The following RABL6 variants were observed in gnomAD, a reference collection of about 807,000 sequenced individuals.
RABL6 encodes the protein RAB, member RAS oncogene family like 6.
Under a neutral mutation model 72.9 loss-of-function variants are expected in RABL6, and 28 were observed. The observed-to-expected ratio is 0.38, with a 90% CI of 0.28 to 0.53. RABL6 has a LOEUF of 0.53. Ranked by LOEUF, RABL6 falls within the 20% of genes least tolerant of loss-of-function variation. RABL6 has a pLI of 0.80. For missense variants in RABL6, 1,029 were observed against 1,008.4 expected, an observed-to-expected ratio of 1.02 and a Z score of -0.28; for synonymous variants, 477 against 421.2, an observed-to-expected ratio of 1.13 and a Z score of -1.62.
chr9:136,819,629 C>T (rs566250796), intron 1 of RABL6, among the ~76,000 whole-genome samples: 1 of 152,280 alleles, frequency 6.6e-6, no homozygotes, highest in South Asian at 2.1e-4. Flanking sequence ...GCTGCTCTAG[C>T]TATAGTCCTA....
At chr9:136,837,138 G>C (rs770566960) in intron 8 of RABL6, 2 of 710,902 alleles carry the variant, frequency 2.8e-6, no homozygotes, top group South Asian at 3.0e-5. Flanking sequence ...GCCTCCTACA[G>C]TGCTGGGATT....
chr9:136,814,821 C>T (rs1194999268), intron 1 of RABL6: 1 of 154,780 alleles, frequency 6.5e-6, no homozygotes, highest in Non-Finnish European at 1.4e-5. Flanking sequence ...GCTTCAGAAG[C>T]TGCTGTTTGG....
chr9:136,838,673 T>C (rs1226786485), intron 10 of RABL6, among the ~76,000 whole-genome samples: 1 of 152,148 alleles, frequency 6.6e-6, no homozygotes, highest in Non-Finnish European at 1.5e-5. Context: ...CGGCTCCACA[T>C]CCTTCACCCA....
intron 1 of RABL6, chr9:136,813,384 G>A: frequency 1.0e-6 from 1 of 958,264 alleles, no homozygotes; most frequent in South Asian, 1.4e-5. Context: ...TGCACTGTAG[G>A]AGAGGTTGCT....
chr9:136,838,419 C>T (rs1463215781), intron 10 of RABL6, among the ~76,000 whole-genome samples: 3 of 152,156 alleles, frequency 2.0e-5, no homozygotes, highest in African/African-American at 4.8e-5. Flanking sequence ...GAGCTAGAGC[C>T]GCCTCCCCAG....
Position 136,839,357 on chromosome 9 carries a change from G to A in RABL6, c.1629G>A (p.Glu543=), listed in dbSNP as rs1204587818. The A allele has an allele frequency of 9.9e-6, 16 of 1,612,612 alleles. No homozygotes were observed. The highest frequency in any genetic ancestry group is 1.7e-5 in the Admixed American group (1 of 59,970). The change falls in exon 12 of 15, where the codon GAG becomes GAA. Residue 543 remains glutamate (E), a synonymous_variant. Transcript: ENST00000311502. ...GCACCAGGCCCCCTGCTGAGATGGA[G>A]CCGGGGAAGGGTGAGCAGGCCTCCT... The part of the protein sequence containing the change: ...RSSTRPPAEM[E]PGKGEQASSS...
chr9:136,808,355 G>A, intron 1 of RABL6, 29 bp downstream of exon 1: 1 of 1,478,336 alleles, frequency 6.8e-7, no homozygotes, highest in Non-Finnish European at 9.0e-7. Flanking sequence ...GGGGGCGCGG[G>A]AGCGCCGCGC....
At chr9:136,816,724 AGG>A (rs1212586246) in intron 1 of RABL6, among the ~76,000 whole-genome samples, 24 of 113,200 alleles carry the variant, frequency 2.1e-4, no homozygotes, top group South Asian at 6.5e-4. Flanking sequence ...CTCAAAAAAA[AGG>A]GGGGGGGGGT....
Position 136,826,650 on chromosome 9 carries a change from T to C in RABL6, c.313+824T>C, listed in dbSNP as rs569615529. ...GCTCCCACCACATTGCGCTGGACTC[T>C]TGTGGCCCGTGCTGACCTGGTGTTC... On this transcript the variant is annotated intron_variant, in intron 3 of 14. Transcript: ENST00000311502. This position sits in a 1 kb window ranked among gnomAD's most constrained non-coding sequence, Gnocchi z 4.9. The C allele has an allele frequency of 1.3e-5, 2 of 152,406 alleles. No individual in the cohort carries two copies. The highest frequency in any genetic ancestry group is 4.1e-4 in the South Asian group (2 of 4,832). The allele number at this position is 152,406 out of a possible 1,614,324, so 9.4% of individuals were successfully genotyped here.
chr9:136,825,889 TC>T, intron 3 of RABL6, 63 bp downstream of exon 3: 2 of 1,544,948 alleles, frequency 1.3e-6, no homozygotes, highest in South Asian at 2.2e-5. Flanking sequence ...CAGAGAGGCT[TC>T]CTTTCTTTCC....
intron 1 of RABL6, among the ~76,000 whole-genome samples, chr9:136,818,179 C>T (rs1437495623): frequency 2.0e-5 from 3 of 148,606 alleles, no homozygotes; most frequent in African/African-American, 7.5e-5. Flanking sequence ...CTGGCTAACA[C>T]AGTGAAACCT....
chr9:136,836,943 G>A (rs554848871), intron 8 of RABL6: 6 of 327,070 alleles, frequency 1.8e-5, no homozygotes, highest in East Asian at 8.4e-5. Flanking sequence ...GTGTGATCTC[G>A]GCTCACCGCA....
In RABL6 at chr9:136,840,738, C is replaced by T; in HGVS notation, c.*216C>T. The stretch of plus-strand genomic sequence containing the variant: ...GCCTGCTCTGCAAGAAGGGAGGGGA[C>T]AGCTGGCTTCAGCCAGGCTCGGTGG... On this transcript the variant is annotated 3_prime_UTR_variant, in exon 15 of 15. Coordinates refer to ENST00000311502, the MANE Select transcript of RABL6 (RefSeq NM_024718.5). 1 of 1,548,468 alleles carries T rather than the reference C, an allele frequency of 6.5e-7. No homozygotes were observed.
At chr9:136,832,605 C>T (rs953997687) in intron 7 of RABL6, 2 of 582,052 alleles carry the variant, frequency 3.4e-6, no homozygotes, top group East Asian at 3.0e-5. Flanking sequence ...CTGCGGGGAC[C>T]CCTTGCTCAG....
chr9:136,830,313 G>A (rs977128004), intron 5 of RABL6, among the ~76,000 whole-genome samples: 6 of 152,244 alleles, frequency 3.9e-5, no homozygotes, highest in African/African-American at 7.2e-5. Flanking sequence ...GCCTGAGGGC[G>A]GCTTGAAGCA....
chr9:136,833,308 C>T (rs1266399925), intron 7 of RABL6: 1 of 333,680 alleles, frequency 3.0e-6, no homozygotes, highest in Admixed American at 4.3e-5. Context: ...CTGGGCTGCC[C>T]CAGCTGGATC....
chr9:136,839,252 G>T lies in RABL6; in HGVS notation c.1524G>T (p.Arg508Ser). 2 of 1,604,754 alleles carry T rather than the reference G, an allele frequency of 1.2e-6. No individual in the cohort carries two copies. Among genetic ancestry groups the T allele is most frequent in the Non-Finnish European group, 1.7e-6 (2 of 1,176,152 alleles). The stretch of plus-strand genomic sequence containing the variant: ...CCATACCAGCTTCGAAGCCACGGAG[G>T]GGGACAGCTCCCACGAGGACCGCAG... ...WSSIPASKPR[R>S]GTAPTRTAAP... Residue 508 changes from arginine (R) to serine (S), a missense_variant, in exon 12 of 15, where the codon AGG (arginine) becomes AGT (serine). By Grantham distance (110) the Arg-to-Ser change is moderately radical. Around this residue, in one of 2 missense-constraint regions of RABL6, gnomAD observed 595 missense variants for 472.4 expected, o/e 1.26. Coordinates refer to ENST00000311502, the MANE Select transcript of RABL6 (RefSeq NM_024718.5).
intron 1 of RABL6, chr9:136,815,390 C>T (rs1042861366): frequency 2.5e-5 from 7 of 283,616 alleles, no homozygotes; most frequent in Non-Finnish European, 5.0e-5. Flanking sequence ...TGCCTTTCTC[C>T]TGAGGTGTGA....
chr9:136,817,965 G>A (rs1453637992), intron 1 of RABL6, among the ~76,000 whole-genome samples: 1 of 151,154 alleles, frequency 6.6e-6, no homozygotes, highest in Non-Finnish European at 1.5e-5. Context: ...AGGAGGCCGA[G>A]GCACAAGAAT....
Sources: allele counts gnomAD v4.1 joint callset (sites outside exome capture counted in the v4.1 genomes callset), GRCh38; gene constraint gnomAD v4.1.1; regional missense constraint gnomAD v4.1.1; non-coding constraint Gnocchi (gnomAD v3.1); transcripts MANE v1.5; gene names NCBI Gene and HGNC (gene_info 2026-07-23, HGNC 2026-07-21).